The following SYNC variants were observed in gnomAD, a reference collection of about 807,000 sequenced individuals.
SYNC encodes syncoilin.
In SYNC, 38 loss-of-function variants were observed where a neutral mutation model predicts 49.5. The ratio of observed to expected loss-of-function variants is 0.77; its 90% CI spans 0.59 to 1.01. The LOEUF is 1.01. Ranked by LOEUF, SYNC falls within the 50% of genes least tolerant of loss-of-function variation. The pLI is 0.00. For synonymous variants in SYNC, 201 were observed against 230.8 expected (o/e 0.87, Z 1.17); for missense variants, 579 against 580.6 (o/e 1.00, Z 0.03).
chr1:32,680,205 C>T lies in SYNC; in HGVS notation c.*1645G>A. ...CAGGATGCACATTTTCATACGTAGA[C>T]CAGTTTCCTCTTGGTTTCTTCAGTT... On this transcript the variant is annotated 3_prime_UTR_variant, in exon 5 of 5. Transcript: ENST00000409190. 1 of 1,118,164 alleles carries T rather than the reference C, an allele frequency of 8.9e-7. No homozygotes were observed. Among genetic ancestry groups the T allele is most frequent in the Non-Finnish European group, 1.1e-6 (1 of 915,064 alleles). 69.3% of individuals were successfully genotyped at this position (1,118,164 alleles called of 1,614,324 possible).
chr1:32,690,783 C>CT (rs1320505365), intron 2 of SYNC, among the ~76,000 whole-genome samples: 2 of 151,636 alleles, frequency 1.3e-5, no homozygotes, highest in Admixed American at 6.6e-5. Context: ...AACTTCATCT[C>CT]TACCAAAAAC....
Position 32,694,944 on chromosome 1 carries a change from A to T in SYNC, c.1154T>A (p.Leu385His). ...LRPLQAEARQ[L>H]RLQNRNLEDQ... ...CTCCAGGTTCCTGTTTTGCAGGCGGAGCTGCCGGGCCTCTGCTTGCAGGGG... is the reference window on the plus strand; with the variant it reads ...CTCCAGGTTCCTGTTTTGCAGGCGGTGCTGCCGGGCCTCTGCTTGCAGGGG... Residue 385 changes from leucine to histidine, a missense_variant, in exon 2 of 5, where the codon CTC becomes CAC. By Grantham distance (99) the Leu-to-His change is moderately conservative. Transcript: ENST00000409190. The T allele has an allele frequency of 6.2e-7, 1 of 1,613,566 alleles. No individual in the cohort carries two copies. The highest frequency in any genetic ancestry group is 8.5e-7 in the Non-Finnish European group (1 of 1,179,924).
At position 32,684,301 on chromosome 1, in the gene SYNC, CCAT is replaced by C. The variant is rs1300385345; in HGVS notation, c.1312_1314del (p.Met438del). 1.9e-6 allele frequency: 3 copies of C among 1,614,188 alleles called. No homozygotes were observed. Among genetic ancestry groups the C allele is most frequent in the Non-Finnish European group, 2.5e-6 (3 of 1,180,036 alleles). ...TCAGCAAGACTGAGCCTTAGCTGTT[CCAT>C]CTCTTTGTTCTTCTGTTGCTGGAGT... On this transcript the variant is annotated inframe_deletion, in exon 3 of 5. Transcript: ENST00000409190.
Position 32,680,706 on chromosome 1 carries a change from C to T in SYNC, c.*1144G>A, listed in dbSNP as rs888205383. The T allele has an allele frequency of 2.8e-5, 18 of 639,636 alleles. No homozygotes were observed. The African/African-American group carries it at 2.9e-4, about 10-fold the overall frequency. 39.6% of individuals were successfully genotyped at this position (639,636 alleles called of 1,614,324 possible). The stretch of plus-strand genomic sequence containing the variant: ...TAAAACATCCATCAAACACCAGTCT[C>T]TGGCTTCTAGAAGAGTCCTTCAGAT... On this transcript the variant is annotated 3_prime_UTR_variant, in exon 5 of 5. Coordinates refer to ENST00000409190, the MANE Select transcript of SYNC (RefSeq NM_030786.3).
At chr1:32,686,445 T>C (rs1649836216) in intron 2 of SYNC, among the ~76,000 whole-genome samples, 1 of 152,200 alleles carries the variant, frequency 6.6e-6, no homozygotes, top group South Asian at 2.1e-4. Flanking sequence ...AGCACTTGCA[T>C]TGACAGCATT....
chr1:32,688,636 G>A (rs547297911), intron 2 of SYNC, among the ~76,000 whole-genome samples: 8 of 152,118 alleles, frequency 5.3e-5, no homozygotes, highest in East Asian at 1.9e-4. Context: ...AGTCTTTGTC[G>A]CCCAGGCTGG....
chr1:32,688,949 T>A lies in SYNC; in HGVS notation c.1234-4567A>T, dbSNP rs151165730. 2.9e-3 allele frequency among the ~76,000 whole-genome samples: 440 copies of A among 151,322 alleles called. 3 individuals carry two copies. Among genetic ancestry groups the A allele is most frequent in the African/African-American group, 9.9e-3 (406 of 41,216 alleles). On this transcript the variant is annotated intron_variant, in intron 2 of 4. Transcript: ENST00000409190. Reference sequence around the variant, plus strand: ...CCGCAACACACACACACTTTTTTTTTTCTTTTCTGAGACGGAGTCTTGCTC... The same window carrying A: ...CCGCAACACACACACACTTTTTTTTATCTTTTCTGAGACGGAGTCTTGCTC...
chr1:32,680,623 T>A lies in SYNC; in HGVS notation c.*1227A>T. 7.6e-7 allele frequency: 1 copy of A among 1,314,360 alleles called. No individual in the cohort carries two copies. The highest frequency in any genetic ancestry group is 2.6e-5 in the East Asian group (1 of 39,076). 81.4% of individuals were successfully genotyped at this position (1,314,360 alleles called of 1,614,324 possible). ...TCTCCATGACTAACTGTGTAAGTGC[T>A]TAAAATGGAATAAATTGCTTTTCTA... On this transcript the variant is annotated 3_prime_UTR_variant, in exon 5 of 5. Coordinates refer to ENST00000409190, the MANE Select transcript of SYNC (RefSeq NM_030786.3).
rs1296011877 is a variant in SYNC, at chr1:32,681,272, T to A, written c.*578A>T. 1 of 152,682 alleles carries A rather than the reference T, an allele frequency of 6.5e-6. No homozygotes were observed. The highest frequency in any genetic ancestry group is 1.9e-4 in the East Asian group (1 of 5,216). 9.5% of individuals were successfully genotyped at this position (152,682 alleles called of 1,614,324 possible). On this transcript the variant is annotated 3_prime_UTR_variant, in exon 5 of 5. Transcript: ENST00000409190. ...TGGTTTCTTTTCAAGTCTAGTTGTT[T>A]TAGAGTATAGTGAGAAATACCTTGA...
intron 2 of SYNC, among the ~76,000 whole-genome samples, chr1:32,688,635 C>T (rs528535487): frequency 1.3e-5 from 2 of 152,292 alleles, no homozygotes; most frequent in Non-Finnish European, 2.9e-5. Flanking sequence ...GAGTCTTTGT[C>T]GCCCAGGCTG....
intron 3 of SYNC, 28 bp downstream of exon 3, chr1:32,684,230 T>A: frequency 6.2e-7 from 1 of 1,611,476 alleles, no homozygotes; most frequent in Non-Finnish European, 8.5e-7. Flanking sequence ...CAGTATTAGA[T>A]GAGATTTGTA....
Position 32,690,021 on chromosome 1 carries a change from G to T in SYNC, c.1233+4844C>A, listed in dbSNP as rs550578107. The stretch of plus-strand genomic sequence containing the variant: ...AAGCCATTTCAGAAAGAAAAATTAG[G>T]GACCTCAGACCTTGCTTCCTACTTT... On this transcript the variant is annotated intron_variant, in intron 2 of 4. Transcript: ENST00000409190. Among the ~76,000 whole-genome samples the T allele has an allele frequency of 4.3e-4, 66 of 151,958 alleles. No individual in the cohort carries two copies. The South Asian group carries it at 7.1e-3, about 16-fold the overall frequency.
Position 32,681,540 on chromosome 1 carries a change from T to C in SYNC, c.*310A>G. ...CCCAGATGTGTCCATACATTCATCC[T>C]TCACTCAGTGCATATGTGAGGGTTG... is the stretch of plus-strand genomic sequence containing the variant. On this transcript the variant is annotated 3_prime_UTR_variant, in exon 5 of 5. Transcript: ENST00000409190. 1 of 463,696 alleles carries C rather than the reference T, an allele frequency of 2.2e-6. No homozygotes were observed. Among genetic ancestry groups the C allele is most frequent in the Non-Finnish European group, 3.8e-6 (1 of 260,498 alleles). The allele number at this position is 463,696 out of a possible 1,614,324, so 28.7% of individuals were successfully genotyped here.
chr1:32,681,978 C>G (rs1649470210), intron 4 of SYNC, 118 bp from the exon 5 acceptor site: 1 of 897,170 alleles, frequency 1.1e-6, no homozygotes, highest in Admixed American at 2.1e-5. Flanking sequence ...TGACTTTCCC[C>G]TAGCAAATAT....
intron 1 of SYNC, among the ~76,000 whole-genome samples, chr1:32,700,388 C>G (rs991881057): frequency 6.6e-6 from 1 of 152,186 alleles, no homozygotes; most frequent in Admixed American, 6.5e-5. Context: ...CATGAATACT[C>G]ATTTATAGAA....
At chr1:32,696,154 G>GA in intron 1 of SYNC, 110 bp from the exon 2 acceptor site, 2 of 853,606 alleles carry the variant, frequency 2.3e-6, no homozygotes, top group Non-Finnish European at 3.6e-6. Context: ...GATGTCAGCA[G>GA]CCATTCGTCT....
Position 32,695,685 on chromosome 1 carries a change from T to A in SYNC, c.413A>T (p.Tyr138Phe), listed in dbSNP as rs1320610899. Residue 138 changes from tyrosine (Y) to phenylalanine (F), a missense_variant, in exon 2 of 5, where the codon TAT (tyrosine) becomes TTT (phenylalanine). Coordinates refer to ENST00000409190, the MANE Select transcript of SYNC (RefSeq NM_030786.3). The part of the protein sequence containing the change: ...GKPTSPEHVV[Y>F]EGETVTRAEK... The stretch of plus-strand genomic sequence containing the variant: ...CGCCCTTGTGACTGTCTCTCCCTCA[T>A]AAACAACGTGCTCTGGGCTTGTGGG... 1.2e-5 allele frequency: 18 copies of A among 1,551,414 alleles called. No homozygotes were observed. The highest frequency in any genetic ancestry group is 1.4e-5 in the Non-Finnish European group (16 of 1,146,986).
chr1:32,697,752 A>T (rs1002746899), intron 1 of SYNC, among the ~76,000 whole-genome samples: 8 of 151,726 alleles, frequency 5.3e-5, no homozygotes, highest in African/African-American at 1.9e-4. Flanking sequence ...AACAAAAAAA[A>T]CCCAGCTTAT....
At position 32,681,804 on chromosome 1, in the gene SYNC, A is replaced by G. The variant is rs762110687; in HGVS notation, c.*46T>C. ...AAAGGGTACTTAGTGATCCTTTGCT[A>G]AGAAGTTTTTTGCTGTTTCCGGGTT... On this transcript the variant is annotated 3_prime_UTR_variant, in exon 5 of 5. Coordinates refer to ENST00000409190, the MANE Select transcript of SYNC (RefSeq NM_030786.3). 4 of 1,614,022 alleles carry G rather than the reference A, an allele frequency of 2.5e-6. No individual in the cohort carries two copies. Among genetic ancestry groups the G allele is most frequent in the East Asian group, 4.5e-5 (2 of 44,894 alleles).
Sources: gnomAD v4.1 joint callset for allele counts (sites outside exome capture counted in the v4.1 genomes callset) on GRCh38, gnomAD v4.1.1 for gene constraint, MANE v1.5 for transcripts, NCBI Gene and HGNC (gene_info 2026-07-23, HGNC 2026-07-21) for gene names.